BMERB1: variants seen among roughly 807,000 people sequenced by gnomAD.
BMERB1 encodes the protein bMERB domain containing 1.
In BMERB1, 12 loss-of-function variants were observed where a neutral mutation model predicts 23.6. The ratio of observed to expected loss-of-function variants is 0.51; its 90% confidence interval spans 0.33 to 0.82. The LOEUF (loss-of-function observed/expected upper bound fraction) is 0.82, where lower values mean the gene tolerates loss of function less well. Ranked by LOEUF, BMERB1 falls within the 40% of genes least tolerant of loss-of-function variation. The pLI is 0.03. For missense variants in BMERB1, 247 were observed against 255.4 expected (o/e 0.97, Z 0.22); for synonymous variants, 122 against 96.6 (o/e 1.26, Z -1.54).
chr16:15,569,076 G>C (rs1171650321), intron 3 of BMERB1, among the ~76,000 whole-genome samples: 1 of 151,876 alleles, frequency 6.6e-6, no homozygotes, highest in Non-Finnish European at 1.5e-5. Flanking sequence ...ATTAGCCAGG[G>C]GTGGTGGCGG....
At chr16:15,463,463 G>C (rs2051154025) in intron 1 of BMERB1, among the ~76,000 whole-genome samples, 1 of 152,130 alleles carries the variant, frequency 6.6e-6, no homozygotes, top group Non-Finnish European at 1.5e-5. Flanking sequence ...AGTGTGGAGA[G>C]TGAATGAGAA....
chr16:15,436,949 A>G (rs1192792591), intron 1 of BMERB1, among the ~76,000 whole-genome samples: 1 of 152,112 alleles, frequency 6.6e-6, no homozygotes, highest in Non-Finnish European at 1.5e-5. Context: ...ACATTTTAAA[A>G]TAAAAAATTT....
At chr16:15,443,627 A>G (rs2050960187) in intron 1 of BMERB1, among the ~76,000 whole-genome samples, 1 of 152,082 alleles carries the variant, frequency 6.6e-6, no homozygotes, top group Non-Finnish European at 1.5e-5. Flanking sequence ...AATGAAAAGT[A>G]CAAGTGTGGG....
At chr16:15,501,215 A>G (rs1159975735) in intron 1 of BMERB1, among the ~76,000 whole-genome samples, 5 of 151,556 alleles carry the variant, frequency 3.3e-5, no homozygotes, top group Admixed American at 6.6e-5. Flanking sequence ...CCTGGGCTCA[A>G]GTGATCCCCC....
chr16:15,444,060 T>G (rs2050964719), intron 1 of BMERB1, among the ~76,000 whole-genome samples: 1 of 145,038 alleles, frequency 6.9e-6, no homozygotes, highest in South Asian at 2.2e-4. Flanking sequence ...GGATTTCAGG[T>G]AAGCTGTCTG....
chr16:15,583,970 T>A (rs907372637), intron 5 of BMERB1: 4 of 699,334 alleles, frequency 5.7e-6, no homozygotes, highest in Non-Finnish European at 1.0e-5. Flanking sequence ...AAGAATTGGG[T>A]AGCTACTGAG....
chr16:15,488,460 A>G (rs1411079623), intron 1 of BMERB1, among the ~76,000 whole-genome samples: 2 of 152,144 alleles, frequency 1.3e-5, no homozygotes, highest in Non-Finnish European at 2.9e-5. Context: ...ATGACTGTCT[A>G]CTGCCTCTTG....
chr16:15,572,502 G>A (rs2030754910), intron 3 of BMERB1, among the ~76,000 whole-genome samples: 2 of 152,176 alleles, frequency 1.3e-5, no homozygotes, highest in Non-Finnish European at 1.5e-5. Context: ...ATGGATTGTG[G>A]TGATGGTTGC....
chr16:15,439,376 C>T (rs2050918389), intron 1 of BMERB1, among the ~76,000 whole-genome samples: 1 of 152,076 alleles, frequency 6.6e-6, no homozygotes. Flanking sequence ...GTATATAATG[C>T]ATTTAGCACA....
chr16:15,586,421 C>T (rs2031142924), intron 5 of BMERB1, among the ~76,000 whole-genome samples: 1 of 152,072 alleles, frequency 6.6e-6, no homozygotes, highest in Non-Finnish European at 1.5e-5. Flanking sequence ...GATGTCAGGC[C>T]CTGTGCTAGG....
chr16:15,540,339 A>C (rs1360355770), intron 2 of BMERB1, among the ~76,000 whole-genome samples: 1 of 152,070 alleles, frequency 6.6e-6, no homozygotes, highest in Non-Finnish European at 1.5e-5. Flanking sequence ...CAGCCTGTCT[A>C]ACATGGCAAA....
chr16:15,587,703 T>C lies in BMERB1; in HGVS notation c.*874T>C, dbSNP rs549468767. The C allele has an allele frequency of 3.5e-6, 1 of 288,822 alleles. No homozygotes were observed. Among genetic ancestry groups the C allele is most frequent in the African/African-American group, 2.2e-5 (1 of 44,642 alleles). The allele number at this position is 288,822 out of a possible 1,614,324, so 17.9% of individuals were successfully genotyped here. A position where few individuals can be genotyped will look rare whatever the true frequency, so the allele number is the denominator to read the frequency against. On this transcript the variant is annotated 3_prime_UTR_variant, in exon 6 of 6. Coordinates refer to ENST00000300006, the MANE Select transcript of BMERB1 (RefSeq NM_033201.3). ...ACTTTGCCAGCCCGACACACGGACC[T>C]TTGTAAAGAACAGCAACAGGCAGGA...
At chr16:15,497,923 T>C (rs1419220282) in intron 1 of BMERB1, among the ~76,000 whole-genome samples, 1 of 152,314 alleles carries the variant, frequency 6.6e-6, no homozygotes, top group East Asian at 1.9e-4. Context: ...TCAATGCATA[T>C]CTCTCCAAAC....
intron 2 of BMERB1, among the ~76,000 whole-genome samples, chr16:15,543,605 G>C (rs777232202): frequency 2.0e-5 from 3 of 152,082 alleles, no homozygotes; most frequent in Non-Finnish European, 4.4e-5. Flanking sequence ...AGGACTCCTT[G>C]AGCCTAGGGG....
At chr16:15,475,234 CAGAA>C (rs1036198061) in intron 1 of BMERB1, among the ~76,000 whole-genome samples, 1 of 152,094 alleles carries the variant, frequency 6.6e-6, no homozygotes, top group Non-Finnish European at 1.5e-5. Flanking sequence ...AGGGTGAGGG[CAGAA>C]ACTTAGCTCC....
chr16:15,525,277 C>T (rs770769494), intron 2 of BMERB1, among the ~76,000 whole-genome samples: 3 of 152,130 alleles, frequency 2.0e-5, no homozygotes. Flanking sequence ...AACATCAGCT[C>T]TTCTTGGGTC....
At chr16:15,529,558 TCTC>T (rs1334832841) in intron 2 of BMERB1, among the ~76,000 whole-genome samples, 1 of 152,080 alleles carries the variant, frequency 6.6e-6, no homozygotes, top group Non-Finnish European at 1.5e-5. Flanking sequence ...AATATCTGAC[TCTC>T]CTCCTAGATG....
intron 2 of BMERB1, among the ~76,000 whole-genome samples, chr16:15,542,253 G>A (rs574664615): frequency 5.3e-5 from 8 of 150,754 alleles, no homozygotes; most frequent in Non-Finnish European, 1.0e-4. Context: ...TAGTAGAGAC[G>A]GGGGTTTCAC....
rs536872481 is a variant in BMERB1, at chr16:15,456,558, G to A, written c.106+21799G>A. Among the ~76,000 whole-genome samples the A allele has an allele frequency of 1.3e-4, 20 of 152,000 alleles. No homozygotes were observed. The South Asian group carries it at 3.1e-3, about 24-fold the overall frequency. ...TTGCCATGTTATCCAGGCTGGTTTC[G>A]AACTACTGGCCTCAAGTGATCTGCC... On this transcript the variant is annotated intron_variant, in intron 1 of 5. Coordinates refer to ENST00000300006, the MANE Select transcript of BMERB1 (RefSeq NM_033201.3).
Sources: gnomAD v4.1 joint callset for allele counts (sites outside exome capture counted in the v4.1 genomes callset) on GRCh38, gnomAD v4.1.1 for gene constraint, MANE v1.5 for transcripts, NCBI Gene and HGNC (gene_info 2026-07-23, HGNC 2026-07-21) for gene names.